Variants in QSOX1 observed in about 807,000 individuals in gnomAD.
QSOX1 encodes the protein quiescin sulfhydryl oxidase 1.
A neutral mutation model predicts 76.1 loss-of-function variants in QSOX1; 40 were observed. The ratio of observed to expected loss-of-function variants is 0.53; its 90% CI spans 0.41 to 0.68. The LOEUF is 0.68. Ranked by LOEUF, QSOX1 falls within the 30% of genes least tolerant of loss-of-function variation. The pLI is 0.00. For missense variants in QSOX1, 931 were observed against 974.3 expected, an observed-to-expected ratio of 0.96 and a Z score of 0.59; for synonymous variants, 392 against 413.1, an observed-to-expected ratio of 0.95 and a Z score of 0.62.
At chr1:180,170,717 G>T (rs1662741872) in intron 2 of QSOX1, among the ~76,000 whole-genome samples, 1 of 152,232 alleles carries the variant, frequency 6.6e-6, no homozygotes, top group Non-Finnish European at 1.5e-5. Flanking sequence ...ACGCCCCAGT[G>T]GTTGACTTAA....
chr1:180,196,586 C>G lies in QSOX1; in HGVS notation c.1793C>G (p.Ala598Gly), dbSNP rs763365614. The change falls in exon 12 of 12, where the codon GCT (alanine) becomes GGT (glycine). Residue 598 changes from alanine to glycine, a missense_variant. Physicochemically the swap from Ala to Gly is moderately conservative, Grantham distance 60. Coordinates refer to ENST00000367602, the MANE Select transcript of QSOX1 (RefSeq NM_002826.5). The surrounding 1 kb of genome is among the most constrained non-coding windows in gnomAD (Gnocchi z 4.1). The part of the protein sequence containing the change: ...SPTNTTPHVP[A>G]EGPEASRPPK... ...ACAAACACCACCCCACATGTGCCGG[C>G]TGAGGGACCTGAGGCAAGTCGACCC... is the stretch of plus-strand genomic sequence containing the variant. The G allele has an allele frequency of 3.1e-6, 5 of 1,614,220 alleles. No individual in the cohort carries two copies. In the East Asian group the frequency reaches 1.1e-4, roughly 36 times the overall value.
intron 5 of QSOX1, among the ~76,000 whole-genome samples, chr1:180,179,282 T>C (rs1662972211): frequency 6.6e-6 from 1 of 152,100 alleles, no homozygotes; most frequent in South Asian, 2.1e-4. Flanking sequence ...TTCCACAGTG[T>C]CCCACTCCAT....
In QSOX1 at chr1:180,198,483, G is replaced by A. The variant is rs1426416992; in HGVS notation, c.*1446G>A. ...GCTGATAATGAACCTCATTAAGGGG[G>A]AGCAGGAGCCTCAATCCGATTTGGT... On this transcript the variant is annotated 3_prime_UTR_variant, in exon 12 of 12. Transcript: ENST00000367602. 1 of 432,984 alleles carries A rather than the reference G, an allele frequency of 2.3e-6. No individual in the cohort carries two copies. Among genetic ancestry groups the A allele is most frequent in the Non-Finnish European group, 4.8e-6 (1 of 209,340 alleles). 26.8% of individuals were successfully genotyped at this position (432,984 alleles called of 1,614,324 possible). A position where few individuals can be genotyped will look rare whatever the true frequency, so the allele number is the denominator to read the frequency against.
intron 5 of QSOX1, among the ~76,000 whole-genome samples, chr1:180,179,209 A>C (rs1457883831): frequency 6.6e-6 from 1 of 152,254 alleles, no homozygotes; most frequent in Non-Finnish European, 1.5e-5. Context: ...AAGATCACAC[A>C]GCTAGTAAGT....
In QSOX1 at chr1:180,168,382, C is replaced by T. The variant is rs968014955; in HGVS notation, c.366+1791C>T. 2.0e-5 allele frequency among the ~76,000 whole-genome samples: 3 copies of T among 148,434 alleles called. No individual in the cohort carries two copies. In the Admixed American group the frequency reaches 2.1e-4, roughly 10 times the overall value. On this transcript the variant is annotated intron_variant, in intron 2 of 11. Transcript: ENST00000367602. Reference sequence around the variant, plus strand: ...TGTCCACAGACCAACACGGTGGCCTCCCCCGGCAAAGCCTTTCCTGCCTCT... The same window carrying T: ...TGTCCACAGACCAACACGGTGGCCTTCCCCGGCAAAGCCTTTCCTGCCTCT...
At chr1:180,164,241 C>G (rs1277996770) in intron 1 of QSOX1, among the ~76,000 whole-genome samples, 1 of 152,200 alleles carries the variant, frequency 6.6e-6, no homozygotes, top group African/African-American at 2.4e-5. Flanking sequence ...CTTGGATAGG[C>G]TCAAGTTGCT....
intron 7 of QSOX1, among the ~76,000 whole-genome samples, chr1:180,184,274 C>T (rs926218723): frequency 1.3e-5 from 2 of 152,148 alleles, no homozygotes; most frequent in East Asian, 1.9e-4. Context: ...GTTGCGGGGC[C>T]GGGGCTGACT....
chr1:180,192,952 C>G (rs568552343), intron 10 of QSOX1, among the ~76,000 whole-genome samples: 8 of 152,092 alleles, frequency 5.3e-5, no homozygotes, highest in Middle Eastern at 3.4e-3. Context: ...GCCCCAGAGT[C>G]CAGTGTTTCA....
rs1291829514 is a variant in QSOX1, at chr1:180,203,099, A to T, written c.*6062A>T. On this transcript the variant is annotated 3_prime_UTR_variant, in exon 12 of 12. Transcript: ENST00000367602. ...AAAATAAAAAAATAAAAATAAAAAA[A>T]TAAAGTAAAGCTACATATTTAAAAG... 6.6e-6 allele frequency: 1 copy of T among 152,190 alleles called. No homozygotes were observed. Among genetic ancestry groups the T allele is most frequent in the Admixed American group, 6.6e-5 (1 of 15,266 alleles). 9.4% of individuals were successfully genotyped at this position (152,190 alleles called of 1,614,324 possible).
At chr1:180,171,971 G>C (rs1364693406) in intron 2 of QSOX1, among the ~76,000 whole-genome samples, 1 of 152,204 alleles carries the variant, frequency 6.6e-6, no homozygotes, top group Non-Finnish European at 1.5e-5. Flanking sequence ...GATCACTGGA[G>C]TGGCTGAAGA....
At position 180,197,046 on chromosome 1, in the gene QSOX1, G is replaced by C. The variant is rs373621285; in HGVS notation, c.*9G>C. The C allele has an allele frequency of 6.3e-7, 1 of 1,594,280 alleles. No individual in the cohort carries two copies. Among genetic ancestry groups the C allele is most frequent in the Non-Finnish European group, 8.5e-7 (1 of 1,170,790 alleles). ...GCCACCCTGCAGCCTGAACCACCTG[G>C]GGAGGAGGCGGGAGAGGGAGCTGCC... is the stretch of plus-strand genomic sequence containing the variant. On this transcript the variant is annotated 3_prime_UTR_variant, in exon 12 of 12. Coordinates refer to ENST00000367602, the MANE Select transcript of QSOX1 (RefSeq NM_002826.5).
At chr1:180,157,537 G>T (rs1285318642) in intron 1 of QSOX1, among the ~76,000 whole-genome samples, 2 of 152,168 alleles carry the variant, frequency 1.3e-5, no homozygotes, top group African/African-American at 2.4e-5. Context: ...CAGAGTGAAG[G>T]TCACAGGGAG....
In QSOX1 at chr1:180,187,984, G is replaced by A. The variant is rs904767281; in HGVS notation, c.1018-1568G>A. Among the ~76,000 whole-genome samples the A allele has an allele frequency of 2.6e-5, 4 of 152,166 alleles. No homozygotes were observed. In the South Asian group the frequency reaches 6.2e-4, roughly 24 times the overall value. Reference sequence around the variant, plus strand: ...CTTCAGCCCTGCCGGTGCCTGCAGTGTTCTTTGTATATTAGCTCCTCATTC... The same window carrying A: ...CTTCAGCCCTGCCGGTGCCTGCAGTATTCTTTGTATATTAGCTCCTCATTC... On this transcript the variant is annotated intron_variant, in intron 8 of 11. Coordinates refer to ENST00000367602, the MANE Select transcript of QSOX1 (RefSeq NM_002826.5).
intron 8 of QSOX1, 145 bp downstream of exon 8, chr1:180,186,327 C>A: frequency 8.8e-7 from 1 of 1,142,534 alleles, no homozygotes. Context: ...TCCCTGTCCA[C>A]CATAGGTGAT....
Position 180,175,181 on chromosome 1 carries a change from A to G in QSOX1, c.367-140A>G, listed in dbSNP as rs187497204. On this transcript the variant is annotated intron_variant, in intron 2 of 11. Coordinates refer to ENST00000367602, the MANE Select transcript of QSOX1 (RefSeq NM_002826.5). ...CAAAAAAAAAAAAAGAAAGAAAGAA[A>G]AAAGAAACAGGCTCAACAACATTAA... The G allele has an allele frequency of 4.4e-5, 35 of 797,390 alleles. No homozygotes were observed. The African/African-American group carries it at 5.3e-4, about 12-fold the overall frequency. 49.4% of individuals were successfully genotyped at this position (797,390 alleles called of 1,614,324 possible). A position where few individuals can be genotyped will look rare whatever the true frequency, so the allele number is the denominator to read the frequency against.
At chr1:180,166,266 T>C (rs1423488411) in intron 1 of QSOX1, among the ~76,000 whole-genome samples, 1 of 152,210 alleles carries the variant, frequency 6.6e-6, no homozygotes, top group Non-Finnish European at 1.5e-5. Flanking sequence ...GTATGACTTA[T>C]GCTAATCATC....
intron 3 of QSOX1, 66 bp from the exon 4 acceptor site, chr1:180,175,864 TG>T: frequency 7.9e-7 from 1 of 1,260,428 alleles, no homozygotes; most frequent in Non-Finnish European, 1.1e-6. Context: ...GGAGTGAAGG[TG>T]GCCAGTGTGC....
At chr1:180,160,414 T>C (rs1003145787) in intron 1 of QSOX1, among the ~76,000 whole-genome samples, 4 of 151,396 alleles carry the variant, frequency 2.6e-5, no homozygotes, top group African/African-American at 9.7e-5. Flanking sequence ...TGAGAACACA[T>C]GGGTCTAAAA....
At chr1:180,189,734 G>T (rs1167085197) in intron 9 of QSOX1, 60 bp downstream of exon 9, 2 of 1,547,124 alleles carry the variant, frequency 1.3e-6, no homozygotes, top group East Asian at 2.3e-5. Flanking sequence ...AGTGCAAGGG[G>T]TTAACCCTGT....
Sources: gnomAD v4.1 joint callset for allele counts (sites outside exome capture counted in the v4.1 genomes callset) on GRCh38, gnomAD v4.1.1 for gene constraint, Gnocchi (gnomAD v3.1) non-coding constraint, MANE v1.5 for transcripts, NCBI Gene and HGNC (gene_info 2026-07-23, HGNC 2026-07-21) for gene names.